The following HECW1 variants were observed in gnomAD, a reference collection of about 807,000 sequenced individuals.
HECW1 encodes the protein E3 ubiquitin-protein ligase HECW1.
In HECW1, 61 loss-of-function variants were observed where a neutral mutation model predicts 182.3. That is an observed-to-expected ratio of 0.33 (90% CI 0.27 to 0.41). The LOEUF (loss-of-function observed/expected upper bound fraction) is 0.41, where lower values mean the gene tolerates loss of function less well. Among genes scored for constraint, HECW1 ranks in the 10% least tolerant of loss-of-function variants. The pLI, the probability that HECW1 is intolerant of heterozygous loss-of-function variation, is 1.00. For missense variants in HECW1, 1,739 were observed against 2,108.9 expected, an observed-to-expected ratio of 0.82 and a Z score of 3.44; for synonymous variants, 859 against 832.6, an observed-to-expected ratio of 1.03 and a Z score of -0.55.
chr7:43,552,579 TC>T (rs1165141640), intron 28 of HECW1, among the ~76,000 whole-genome samples: 1 of 152,110 alleles, frequency 6.6e-6, no homozygotes, highest in Non-Finnish European at 1.5e-5. Flanking sequence ...CACGCCCCTT[TC>T]CCCCAACCCC....
intron 3 of HECW1, among the ~76,000 whole-genome samples, chr7:43,252,788 A>C (rs1800172173): frequency 6.6e-6 from 1 of 152,198 alleles, no homozygotes; most frequent in Non-Finnish European, 1.5e-5. Flanking sequence ...AAAACACCTA[A>C]ATGGTTACTG....
At chr7:43,145,628 C>G (rs966516844) in intron 2 of HECW1, among the ~76,000 whole-genome samples, 1 of 152,146 alleles carries the variant, frequency 6.6e-6, no homozygotes, top group Non-Finnish European at 1.5e-5. Flanking sequence ...AGGTGTCTTC[C>G]TGCTGTAGAG....
intron 21 of HECW1, among the ~76,000 whole-genome samples, chr7:43,505,749 A>G (rs1436481098): frequency 3.9e-5 from 6 of 152,188 alleles, no homozygotes; most frequent in Non-Finnish European, 8.8e-5. Context: ...ATTTGTGCCT[A>G]TTTATTCTTT....
intron 3 of HECW1, among the ~76,000 whole-genome samples, chr7:43,262,847 A>G (rs1305373546): frequency 2.0e-5 from 3 of 152,164 alleles, no homozygotes; most frequent in Non-Finnish European, 2.9e-5. Context: ...CCCAGTCCCC[A>G]GGCCCTCCTG....
intron 2 of HECW1, among the ~76,000 whole-genome samples, chr7:43,229,128 C>T (rs146272544): frequency 1.9e-3 from 290 of 152,270 alleles, no homozygotes; most frequent in African/African-American, 5.8e-3. Flanking sequence ...AATTTGTATT[C>T]GCTTTCTGGT....
chr7:43,207,358 T>A (rs1048231355), intron 2 of HECW1, among the ~76,000 whole-genome samples: 2 of 152,204 alleles, frequency 1.3e-5, no homozygotes, highest in Non-Finnish European at 2.9e-5. Flanking sequence ...AAATTCTATT[T>A]TTAAATTGAC....
intron 13 of HECW1, among the ~76,000 whole-genome samples, chr7:43,457,690 G>A (rs949303980): frequency 3.3e-5 from 5 of 151,562 alleles, no homozygotes; most frequent in African/African-American, 1.2e-4. Context: ...CAGGAGAATC[G>A]CTTGAACCCG....
At chr7:43,337,927 C>A (rs1358032285) in intron 5 of HECW1, among the ~76,000 whole-genome samples, 1 of 152,188 alleles carries the variant, frequency 6.6e-6, no homozygotes, top group Middle Eastern at 3.2e-3. Context: ...TCAACTGCAA[C>A]TGGGAGAAGC....
intron 13 of HECW1, among the ~76,000 whole-genome samples, chr7:43,461,801 G>A (rs115246063): frequency 0.013 from 1,913 of 152,312 alleles, 45 homozygotes; most frequent in African/African-American, 0.044. Context: ...ATGCCTTGCA[G>A]TAACCACTAC....
intron 26 of HECW1, among the ~76,000 whole-genome samples, chr7:43,547,979 A>C (rs920656094): frequency 2.0e-5 from 3 of 152,272 alleles, no homozygotes; most frequent in Non-Finnish European, 2.9e-5. Flanking sequence ...TTCATCGCAA[A>C]AAACAGCAGG....
chr7:43,534,647 T>G (rs2152949685), intron 24 of HECW1, among the ~76,000 whole-genome samples: 1 of 152,370 alleles, frequency 6.6e-6, no homozygotes, highest in African/African-American at 2.4e-5. Flanking sequence ...AGACATTTTC[T>G]GTGGGTTTGT....
At position 43,562,531 on chromosome 7, in the gene HECW1, A is replaced by G. The variant is rs981723438; in HGVS notation, c.*605A>G. 5.3e-5 allele frequency: 12 copies of G among 227,674 alleles called. No homozygotes were observed. The highest frequency in any genetic ancestry group is 2.4e-4 in the African/African-American group (11 of 45,006). 14.1% of individuals were successfully genotyped at this position (227,674 alleles called of 1,614,324 possible). On this transcript the variant is annotated 3_prime_UTR_variant, in exon 30 of 30. Transcript: ENST00000395891. ...TGTGGCATCAGTCCCATCAGCCGGA[A>G]CTAGCCTAGACATACGGTGCAAATA...
intron 2 of HECW1, among the ~76,000 whole-genome samples, chr7:43,154,748 C>T (rs536117205): frequency 6.6e-6 from 1 of 152,210 alleles, no homozygotes; most frequent in Admixed American, 6.5e-5. Flanking sequence ...AGACATCTCC[C>T]TGCTCTCAAA....
chr7:43,160,118 T>C (rs1324161560), intron 2 of HECW1, among the ~76,000 whole-genome samples: 1 of 152,260 alleles, frequency 6.6e-6, no homozygotes, highest in Non-Finnish European at 1.5e-5. Flanking sequence ...GCAGATACTT[T>C]TGTCCCTTTG....
intron 2 of HECW1, among the ~76,000 whole-genome samples, chr7:43,150,520 A>G (rs1789182466): frequency 6.6e-6 from 1 of 152,146 alleles, no homozygotes; most frequent in Non-Finnish European, 1.5e-5. Flanking sequence ...CTGGGATTAT[A>G]GGCACCTGCC....
intron 3 of HECW1, among the ~76,000 whole-genome samples, chr7:43,244,222 A>G (rs920944792): frequency 1.3e-5 from 2 of 152,240 alleles, no homozygotes; most frequent in South Asian, 2.1e-4. Flanking sequence ...GAAACATTCT[A>G]TGATGCTACT....
At chr7:43,301,471 C>A (rs1354124447) in intron 3 of HECW1, among the ~76,000 whole-genome samples, 1 of 152,194 alleles carries the variant, frequency 6.6e-6, no homozygotes, top group East Asian at 1.9e-4. Flanking sequence ...ACCAAACTCT[C>A]CGAGGCTATG....
chr7:43,274,620 T>A, intron 3 of HECW1: 3 of 363,190 alleles, frequency 8.3e-6, no homozygotes, highest in Non-Finnish European at 1.6e-5. Flanking sequence ...CCAAATAAAC[T>A]CAGGAACGCC....
In HECW1 at chr7:43,561,910, C is replaced by G; in HGVS notation, c.4805C>G (p.Thr1602Ser). 6.2e-7 allele frequency: 1 copy of G among 1,608,586 alleles called. No homozygotes were observed. ...TTAACAGCAGTAGAGGAAACCAGCACCTTTGGACTTGAGTGAGGACATGGA... is the reference window on the plus strand; with the variant it reads ...TTAACAGCAGTAGAGGAAACCAGCAGCTTTGGACTTGAGTGAGGACATGGA... ...KLLTAVEETS[T>S]FGLE is the part of the protein sequence containing the mutation. Residue 1602 changes from threonine to serine, a missense_variant, in exon 30 of 30, where the codon ACC becomes AGC. By Grantham distance (58) the Thr-to-Ser change is moderately conservative. Around this residue, in one of 5 missense-constraint regions of HECW1, gnomAD observed 420 missense variants for 595.7 expected, o/e 0.71. Transcript: ENST00000395891.
Sources: allele counts gnomAD v4.1 joint callset (sites outside exome capture counted in the v4.1 genomes callset), GRCh38; gene constraint gnomAD v4.1.1; regional missense constraint gnomAD v4.1.1; transcripts MANE v1.5; gene names NCBI Gene and HGNC (gene_info 2026-07-23, HGNC 2026-07-21).